RNF220: variants seen among roughly 807,000 people sequenced by gnomAD.
RNF220 encodes the protein ring finger protein 220.
A neutral mutation model predicts 67.1 loss-of-function variants in RNF220; 7 were observed. The observed-to-expected ratio is 0.10, with a 90% CI of 0.06 to 0.20. The LOEUF (loss-of-function observed/expected upper bound fraction) is 0.20, where lower values mean the gene tolerates loss of function less well. Ranked by LOEUF, RNF220 falls within the 10% of genes least tolerant of loss-of-function variation. RNF220 has a pLI of 1.00. For missense variants in RNF220, 565 were observed against 740.3 expected (o/e 0.76, Z 2.75); for synonymous variants, 270 against 283.2 (o/e 0.95, Z 0.47).
chr1:44,513,042 G>GTCT (rs1216847128), intron 2 of RNF220, among the ~76,000 whole-genome samples: 1 of 152,158 alleles, frequency 6.6e-6, no homozygotes, highest in Non-Finnish European at 1.5e-5. Context: ...ATTCCCAAGG[G>GTCT]TCTTCTCTGA....
intron 8 of RNF220, among the ~76,000 whole-genome samples, chr1:44,642,894 A>G (rs1375136352): frequency 6.6e-6 from 1 of 152,204 alleles, no homozygotes; most frequent in African/African-American, 2.4e-5. Flanking sequence ...GCAAGCTGTA[A>G]GTGAACCTGA....
At chr1:44,451,135 A>G (rs1652632067) in intron 2 of RNF220, among the ~76,000 whole-genome samples, 1 of 151,530 alleles carries the variant, frequency 6.6e-6, no homozygotes, top group Admixed American at 6.6e-5. Flanking sequence ...GTGAGCCAAG[A>G]TCGGGCCACT....
At chr1:44,568,249 TGCCTCCCTCA>T (rs1464568753) in intron 2 of RNF220, among the ~76,000 whole-genome samples, 1 of 152,228 alleles carries the variant, frequency 6.6e-6, no homozygotes, top group African/African-American at 2.4e-5. Context: ...CTGCCAGTTC[TGCCTCCCTCA>T]GCCTCCCTGC....
Position 44,624,422 on chromosome 1 carries a change from C to T in RNF220, c.804+1635C>T, listed in dbSNP as rs1245266497. Among the ~76,000 whole-genome samples, 1 of 152,186 alleles carries T rather than the reference C, an allele frequency of 6.6e-6. No homozygotes were observed. The highest frequency in any genetic ancestry group is 6.5e-5 in the Admixed American group (1 of 15,290). ...CTCCCCACATATACAGACCCACACACACACTCAGGTCAGAATACAGACATA... is the reference window on the plus strand; with the variant it reads ...CTCCCCACATATACAGACCCACACATACACTCAGGTCAGAATACAGACATA... On this transcript the variant is annotated intron_variant, in intron 4 of 14. Transcript: ENST00000361799. The surrounding 1 kb of genome is among the most constrained non-coding windows in gnomAD (Gnocchi z 4.2).
chr1:44,464,451 A>G (rs1654082311), intron 2 of RNF220, among the ~76,000 whole-genome samples: 1 of 152,192 alleles, frequency 6.6e-6, no homozygotes, highest in Non-Finnish European at 1.5e-5. Flanking sequence ...TACTTGCATT[A>G]TATCCGCTAA....
At chr1:44,547,528 T>C (rs915435704) in intron 2 of RNF220, among the ~76,000 whole-genome samples, 3 of 152,120 alleles carry the variant, frequency 2.0e-5, no homozygotes, top group Admixed American at 6.5e-5. Context: ...CTTCTCTGGC[T>C]CTTTGCCCTC....
chr1:44,497,526 C>T (rs142742491), intron 2 of RNF220, among the ~76,000 whole-genome samples: 7 of 152,310 alleles, frequency 4.6e-5, no homozygotes, highest in Admixed American at 6.5e-5. Context: ...CAGTTTGTGC[C>T]AGTTCCTTTC....
At chr1:44,491,505 C>T (rs1315619939) in intron 2 of RNF220, among the ~76,000 whole-genome samples, 3 of 152,082 alleles carry the variant, frequency 2.0e-5, no homozygotes, top group African/African-American at 7.2e-5. Context: ...ATATGATCAT[C>T]TCAATAGATG....
intron 2 of RNF220, among the ~76,000 whole-genome samples, chr1:44,536,007 C>A (rs373109630): frequency 1.3e-5 from 2 of 152,192 alleles, no homozygotes; most frequent in East Asian, 1.9e-4. Flanking sequence ...CATCCCAACT[C>A]GCTATTAAGC....
At chr1:44,485,014 G>A (rs373419752) in intron 2 of RNF220, among the ~76,000 whole-genome samples, 5 of 152,188 alleles carry the variant, frequency 3.3e-5, no homozygotes, top group African/African-American at 9.7e-5. Context: ...ATGGTGGCAC[G>A]TGCCTGTAGT....
At chr1:44,541,035 C>A (rs543303651) in intron 2 of RNF220, among the ~76,000 whole-genome samples, 1 of 152,186 alleles carries the variant, frequency 6.6e-6, no homozygotes, top group East Asian at 1.9e-4. Flanking sequence ...TAGATTCTTT[C>A]ACTTAATCTT....
chr1:44,456,863 C>T (rs979795085), intron 2 of RNF220, among the ~76,000 whole-genome samples: 1 of 152,096 alleles, frequency 6.6e-6, no homozygotes, highest in Non-Finnish European at 1.5e-5. Context: ...TGGGGTAGGA[C>T]ATCCTGCAAT....
At chr1:44,526,898 G>T (rs1660420586) in intron 2 of RNF220, among the ~76,000 whole-genome samples, 1 of 151,934 alleles carries the variant, frequency 6.6e-6, no homozygotes, top group South Asian at 2.1e-4. Context: ...CTTCAAAGCC[G>T]CTCTTCCCTT....
Position 44,448,450 on chromosome 1 carries a change from G to A in RNF220, c.625+35728G>A, listed in dbSNP as rs141545246. On this transcript the variant is annotated intron_variant, in intron 2 of 14. Transcript: ENST00000361799. ...CTCTGGTCTTTGATAAATTTGATAA[G>A]GGCAATATCATGTGGCACAAGCCTT... Among the ~76,000 whole-genome samples the A allele has an allele frequency of 2.6e-3, 401 of 152,354 alleles. 5 individuals are homozygous for A. Among genetic ancestry groups the A allele is most frequent in the African/African-American group, 9.3e-3 (387 of 41,574 alleles).
At chr1:44,587,603 C>G (rs898409510) in intron 2 of RNF220, among the ~76,000 whole-genome samples, 1 of 152,276 alleles carries the variant, frequency 6.6e-6, no homozygotes, top group Middle Eastern at 3.4e-3. Context: ...TCTCTTGCCC[C>G]GCAGGCTGCT....
At chr1:44,546,527 C>T (rs1317150191) in intron 2 of RNF220, among the ~76,000 whole-genome samples, 3 of 152,184 alleles carry the variant, frequency 2.0e-5, no homozygotes, top group Non-Finnish European at 2.9e-5. Context: ...TGTTTACAGA[C>T]GTCTGGCTGT....
intron 2 of RNF220, among the ~76,000 whole-genome samples, chr1:44,572,813 T>A (rs1664537755): frequency 6.6e-6 from 1 of 152,150 alleles, no homozygotes; most frequent in African/African-American, 2.4e-5. Flanking sequence ...CAAGTAACCT[T>A]TATTGTCTAA....
chr1:44,632,629 G>C (rs181289398), intron 6 of RNF220: 159 of 583,720 alleles, frequency 2.7e-4, no homozygotes, highest in Admixed American at 6.8e-4. Context: ...ACCCTGGGGG[G>C]GCAATAAGTG....
intron 2 of RNF220, among the ~76,000 whole-genome samples, chr1:44,572,668 G>A (rs1664524784): frequency 6.6e-6 from 1 of 151,654 alleles, no homozygotes; most frequent in African/African-American, 2.4e-5. Flanking sequence ...CTCCCAGGCA[G>A]GTCTTCTCTG....
Sources: gnomAD v4.1 joint callset for allele counts (sites outside exome capture counted in the v4.1 genomes callset) on GRCh38, gnomAD v4.1.1 for gene constraint, Gnocchi (gnomAD v3.1) non-coding constraint, MANE v1.5 for transcripts, NCBI Gene and HGNC (gene_info 2026-07-23, HGNC 2026-07-21) for gene names.